SMG6: variants seen among roughly 807,000 people sequenced by gnomAD.
SMG6 encodes SMG6 nonsense mediated mRNA decay factor, also known as telomerase-binding protein EST1A.
In SMG6, 66 loss-of-function variants were observed where a neutral mutation model predicts 142.2. The observed-to-expected ratio is 0.46, with a 90% CI of 0.38 to 0.57. The LOEUF (loss-of-function observed/expected upper bound fraction) is 0.57, where lower values mean the gene tolerates loss of function less well. Among genes scored for constraint, SMG6 ranks in the 20% least tolerant of loss-of-function variants. SMG6 has a pLI of 0.00. For synonymous variants in SMG6, 779 were observed against 702.4 expected (o/e 1.11, Z -1.72); for missense variants, 1,793 against 1,832.0 (o/e 0.98, Z 0.39).
intron 13 of SMG6, among the ~76,000 whole-genome samples, chr17:2,153,816 C>T (rs1458429672): frequency 1.0e-5 from 1 of 95,386 alleles, no homozygotes; most frequent in Non-Finnish European, 2.0e-5. Flanking sequence ...CTGGGGGAAC[C>T]TGGGGATGCA....
chr17:2,147,281 T>A (rs2151589616), intron 13 of SMG6, among the ~76,000 whole-genome samples: 1 of 152,226 alleles, frequency 6.6e-6, no homozygotes, highest in South Asian at 2.1e-4. Flanking sequence ...TAATCCCAGC[T>A]ACTTGGGAGG....
chr17:2,086,524 G>C (rs1316679233), intron 13 of SMG6, among the ~76,000 whole-genome samples: 2 of 152,170 alleles, frequency 1.3e-5, no homozygotes, highest in Non-Finnish European at 2.9e-5. Flanking sequence ...AGAGCAGGTG[G>C]GGATGTTTCA....
At chr17:2,186,309 A>G (rs1408895190) in intron 12 of SMG6, among the ~76,000 whole-genome samples, 1 of 152,004 alleles carries the variant, frequency 6.6e-6, no homozygotes, top group African/African-American at 2.4e-5. Flanking sequence ...AGAAGATACA[A>G]AGTCTCACAC....
At chr17:2,258,798 C>CAAAAAA (rs771561105) in intron 8 of SMG6, among the ~76,000 whole-genome samples, 1 of 100,696 alleles carries the variant, frequency 9.9e-6, no homozygotes. Context: ...GACGCCAGCT[C>CAAAAAA]AAAAAAAAAA....
At position 2,069,070 on chromosome 17, in the gene SMG6, G is replaced by C. The variant is rs1182632283; in HGVS notation, c.3682-139C>G. The C allele has an allele frequency of 6.2e-6, 5 of 810,786 alleles. No individual in the cohort carries two copies. The East Asian group carries it at 1.1e-4, about 18-fold the overall frequency. 50.2% of individuals were successfully genotyped at this position (810,786 alleles called of 1,614,324 possible). A position where few individuals can be genotyped will look rare whatever the true frequency, so the allele number is the denominator to read the frequency against. The stretch of plus-strand genomic sequence containing the variant: ...CCACAGTAATAACCAGTCCCCGTCG[G>C]GTCTCAGGGATAGGCCCAAGGGCTG... On this transcript the variant is annotated intron_variant, in intron 15 of 18. Transcript: ENST00000263073.
intron 15 of SMG6, among the ~76,000 whole-genome samples, chr17:2,074,429 C>A (rs1311545583): frequency 6.6e-6 from 1 of 152,154 alleles, no homozygotes; most frequent in Non-Finnish European, 1.5e-5. Flanking sequence ...GCAGAGCCAC[C>A]AGCAGCATCC....
At chr17:2,179,444 T>G (rs2071741832) in intron 12 of SMG6, among the ~76,000 whole-genome samples, 1 of 152,200 alleles carries the variant, frequency 6.6e-6, no homozygotes, top group South Asian at 2.1e-4. Flanking sequence ...GAAGTCAGCT[T>G]ACTGCATACG....
At chr17:2,239,282 A>G (rs1396145819) in intron 9 of SMG6, among the ~76,000 whole-genome samples, 1 of 152,218 alleles carries the variant, frequency 6.6e-6, no homozygotes, top group Non-Finnish European at 1.5e-5. Flanking sequence ...TTATACTTTT[A>G]TAAGGATTTC....
chr17:2,234,434 G>A (rs1377797288), intron 10 of SMG6, among the ~76,000 whole-genome samples: 3 of 151,078 alleles, frequency 2.0e-5, no homozygotes, highest in Non-Finnish European at 4.4e-5. Flanking sequence ...GCTAATTTTT[G>A]GTATTTTTAG....
At chr17:2,067,323 C>A (rs1182879121) in intron 16 of SMG6, among the ~76,000 whole-genome samples, 1 of 152,196 alleles carries the variant, frequency 6.6e-6, no homozygotes, top group Non-Finnish European at 1.5e-5. Context: ...GGGGTACGAT[C>A]AGTCCTGGTG....
intron 15 of SMG6, among the ~76,000 whole-genome samples, chr17:2,069,469 G>A (rs1597328538): frequency 1.3e-5 from 2 of 151,158 alleles, no homozygotes; most frequent in African/African-American, 2.4e-5. Context: ...GGTGGCACAC[G>A]CCTGTGGTCC....
In SMG6 at chr17:2,186,787, T is replaced by G; in HGVS notation, c.3031A>C (p.Lys1011Gln). 6.2e-7 allele frequency: 1 copy of G among 1,614,140 alleles called. No homozygotes were observed. The highest frequency in any genetic ancestry group is 8.5e-7 in the Non-Finnish European group (1 of 1,180,022). Residue 1011 changes from lysine to glutamine, a missense_variant, in exon 12 of 19, where the codon AAG becomes CAG. Coordinates refer to ENST00000263073, the MANE Select transcript of SMG6 (RefSeq NM_017575.5). Reference protein sequence around the residue: ...PEDQDDQDDIKVSSFVPDLKE... With the variant: ...PEDQDDQDDIQVSSFVPDLKE... Reference sequence around the variant, plus strand: ...AGGTCCGGGACAAAGGAAGACACCTTGATGTCGTCTTGGTCATCCTGGTCC... The same window carrying G: ...AGGTCCGGGACAAAGGAAGACACCTGGATGTCGTCTTGGTCATCCTGGTCC...
chr17:2,283,707 T>C lies in SMG6; in HGVS notation c.2366A>G (p.Tyr789Cys). 6 of 1,614,080 alleles carry C rather than the reference T, an allele frequency of 3.7e-6. No individual in the cohort carries two copies. The highest frequency in any genetic ancestry group is 5.1e-6 in the Non-Finnish European group (6 of 1,180,000). Residue 789 changes from tyrosine (Y) to cysteine (C), a missense_variant, in exon 7 of 19, where the codon TAT becomes TGT. Physicochemically the swap from Tyr to Cys is radical, Grantham distance 194. Coordinates refer to ENST00000263073, the MANE Select transcript of SMG6 (RefSeq NM_017575.5). ...GTTGCTGGCAGCTAAACTGCGCATA[T>C]AGTAATAGACAGCGTCAAGCTTCCT... ...TRRKLDAVYY[Y>C]MRSLAASNPI...
intron 13 of SMG6, among the ~76,000 whole-genome samples, chr17:2,158,760 T>C (rs1165053838): frequency 6.6e-6 from 1 of 150,618 alleles, no homozygotes; most frequent in Non-Finnish European, 1.5e-5. Flanking sequence ...CTACGAAAAT[T>C]ACAAAAATTA....
intron 12 of SMG6, among the ~76,000 whole-genome samples, chr17:2,179,485 C>T (rs1343069608): frequency 1.3e-5 from 2 of 152,146 alleles, no homozygotes; most frequent in African/African-American, 4.8e-5. Context: ...CCCTATGTGA[C>T]AAGACCTCAG....
At chr17:2,288,775 A>G (rs1451711096) in intron 6 of SMG6, among the ~76,000 whole-genome samples, 1 of 151,722 alleles carries the variant, frequency 6.6e-6, no homozygotes, top group East Asian at 1.9e-4. Context: ...TACAAAAAAT[A>G]CAAAAATTAG....
intron 8 of SMG6, among the ~76,000 whole-genome samples, chr17:2,269,463 A>G (rs2074500561): frequency 6.6e-6 from 1 of 151,940 alleles, no homozygotes; most frequent in Non-Finnish European, 1.5e-5. Context: ...TACATTAAAA[A>G]AAAAAAAAAT....
chr17:2,161,404 CTTTA>C (rs1276634235), intron 13 of SMG6, among the ~76,000 whole-genome samples: 3 of 151,486 alleles, frequency 2.0e-5, no homozygotes, highest in Non-Finnish European at 4.4e-5. Flanking sequence ...CAATCCCGGC[CTTTA>C]TTTATTTATT....
intron 15 of SMG6, among the ~76,000 whole-genome samples, chr17:2,069,577 C>G (rs1291398839): frequency 6.6e-6 from 1 of 152,138 alleles, no homozygotes; most frequent in Non-Finnish European, 1.5e-5. Context: ...CCCTGGGTGA[C>G]AGAACGAGAC....
Sources: allele counts gnomAD v4.1 joint callset (sites outside exome capture counted in the v4.1 genomes callset), GRCh38; gene constraint gnomAD v4.1.1; transcripts MANE v1.5; gene names NCBI Gene and HGNC (gene_info 2026-07-23, HGNC 2026-07-21).